Variants in DAPK1 observed in about 807,000 individuals in gnomAD.
DAPK1 encodes the protein death-associated protein kinase 1.
DAPK1 carries 56 observed loss-of-function variants against 144.9 expected under a neutral mutation model. That is an observed-to-expected ratio of 0.39 (90% confidence interval 0.31 to 0.48). The LOEUF (loss-of-function observed/expected upper bound fraction) is 0.48. Ranked by LOEUF, DAPK1 falls within the 20% of genes least tolerant of loss-of-function variation. The pLI, the probability that DAPK1 is intolerant of heterozygous loss-of-function variation, is 0.95. For missense variants in DAPK1, 1,454 were observed against 1,875.4 expected (o/e 0.78, Z 4.15); for synonymous variants, 690 against 749.0 (o/e 0.92, Z 1.29).
intron 3 of DAPK1, among the ~76,000 whole-genome samples, chr9:87,615,737 A>T (rs1829072997): frequency 6.6e-6 from 1 of 152,180 alleles, no homozygotes; most frequent in African/African-American, 2.4e-5. Flanking sequence ...CCCTGAAATG[A>T]TCTCATTTAA....
At chr9:87,502,564 A>G (rs1413117127) in intron 2 of DAPK1, among the ~76,000 whole-genome samples, 2 of 152,138 alleles carry the variant, frequency 1.3e-5, no homozygotes, top group South Asian at 4.1e-4. Flanking sequence ...CTAACCTGTG[A>G]GCCTCCTGGG....
chr9:87,602,398 G>T (rs540419557), intron 2 of DAPK1, among the ~76,000 whole-genome samples: 1 of 152,164 alleles, frequency 6.6e-6, no homozygotes, highest in Non-Finnish European at 1.5e-5. Context: ...AGGTTTTGCT[G>T]TAAACGAAGG....
intron 2 of DAPK1, among the ~76,000 whole-genome samples, chr9:87,592,033 T>G (rs1380789874): frequency 6.6e-6 from 1 of 152,188 alleles, no homozygotes; most frequent in African/African-American, 2.4e-5. Flanking sequence ...ACCATTTCCT[T>G]TAGGCCCCAT....
intron 2 of DAPK1, among the ~76,000 whole-genome samples, chr9:87,521,249 C>T (rs1173216640): frequency 6.6e-6 from 1 of 152,198 alleles, no homozygotes; most frequent in Non-Finnish European, 1.5e-5. Context: ...CATGAAATTC[C>T]TGAAAAATGA....
chr9:87,619,427 A>C (rs1177990690), intron 3 of DAPK1, among the ~76,000 whole-genome samples: 1 of 152,174 alleles, frequency 6.6e-6, no homozygotes, highest in Non-Finnish European at 1.5e-5. Flanking sequence ...GAATTCTGTC[A>C]GGGAGACTGG....
At chr9:87,523,709 G>A (rs1408269715) in intron 2 of DAPK1, among the ~76,000 whole-genome samples, 4 of 152,100 alleles carry the variant, frequency 2.6e-5, no homozygotes, top group Non-Finnish European at 2.9e-5. Context: ...TTCGTGTGAA[G>A]TGTGAAGTAT....
chr9:87,569,197 A>C (rs13284226), intron 2 of DAPK1, among the ~76,000 whole-genome samples: 42,110 of 152,002 alleles, frequency 0.28, 6,234 homozygotes, highest in East Asian at 0.49. Context: ...TGGTGAGGGC[A>C]TCTGGACTTT....
At chr9:87,643,788 CAT>C (rs1830177946) in intron 11 of DAPK1, among the ~76,000 whole-genome samples, 1 of 152,076 alleles carries the variant, frequency 6.6e-6, no homozygotes, top group Admixed American at 6.5e-5. Context: ...AATGCACACA[CAT>C]AGAGACACAC....
chr9:87,632,267 A>G (rs1829719910), intron 3 of DAPK1: 2 of 983,586 alleles, frequency 2.0e-6, no homozygotes, highest in East Asian at 1.1e-4. Flanking sequence ...ATCAGTATAT[A>G]TGTAGGAATG....
chr9:87,566,869 A>G (rs1395710781), intron 2 of DAPK1, among the ~76,000 whole-genome samples: 1 of 152,166 alleles, frequency 6.6e-6, no homozygotes, highest in Non-Finnish European at 1.5e-5. Context: ...TGAAACAGAA[A>G]TTTTATCACA....
intron 2 of DAPK1, among the ~76,000 whole-genome samples, chr9:87,511,987 C>T (rs1302946639): frequency 1.3e-5 from 2 of 152,172 alleles, no homozygotes; most frequent in Admixed American, 1.3e-4. Flanking sequence ...GCTGGGATTG[C>T]AGGTGTGAGC....
chr9:87,658,846 C>G (rs1407015273), intron 18 of DAPK1, among the ~76,000 whole-genome samples: 1 of 152,198 alleles, frequency 6.6e-6, no homozygotes, highest in Non-Finnish European at 1.5e-5. Context: ...TGGGACAGTC[C>G]TGGACTCACA....
At chr9:87,585,532 A>C (rs57053560) in intron 2 of DAPK1, among the ~76,000 whole-genome samples, 1,893 of 152,356 alleles carry the variant, frequency 0.012, 35 homozygotes, top group African/African-American at 0.043. Flanking sequence ...TCCAGAATAC[A>C]CAGTCTGGGT....
chr9:87,624,157 G>T (rs371152790), intron 3 of DAPK1, among the ~76,000 whole-genome samples: 1 of 152,200 alleles, frequency 6.6e-6, no homozygotes, highest in South Asian at 2.1e-4. Flanking sequence ...ACTCCTTGCA[G>T]CCACAGCTGG....
Position 87,606,535 on chromosome 9 carries a change from C to CCCCT in DAPK1, c.284+1370_284+1373dup, listed in dbSNP as rs1313065053. The stretch of plus-strand genomic sequence containing the variant: ...TCTCCTTCCTTCCTTCCTTCCTTCC[C>CCCCT]CCCTCCCTCCCTCTCTCCCTCTCTC... On this transcript the variant is annotated intron_variant, in intron 3 of 25. Coordinates refer to ENST00000408954, the MANE Select transcript of DAPK1 (RefSeq NM_004938.4). Among the ~76,000 whole-genome samples, 209 of 72,258 alleles carry CCCCT rather than the reference C, an allele frequency of 2.9e-3. 1 individual carries two copies. Among genetic ancestry groups the CCCCT allele is most frequent in the African/African-American group, 0.012 (198 of 16,572 alleles). 47.4% of individuals were successfully genotyped at this position (72,258 alleles called of 152,430 possible).
At chr9:87,604,408 A>C (rs1467344108) in intron 2 of DAPK1, among the ~76,000 whole-genome samples, 1 of 152,206 alleles carries the variant, frequency 6.6e-6, no homozygotes, top group Non-Finnish European at 1.5e-5. Flanking sequence ...ATGCTGGAGA[A>C]GTGACCAACA....
At chr9:87,676,989 C>A (rs894643217) in intron 19 of DAPK1, among the ~76,000 whole-genome samples, 3 of 152,190 alleles carry the variant, frequency 2.0e-5, no homozygotes, top group Non-Finnish European at 2.9e-5. Context: ...CTCTCCAAGC[C>A]TCAATTTCCT....
At chr9:87,596,145 C>T (rs1828307873) in intron 2 of DAPK1, among the ~76,000 whole-genome samples, 2 of 152,046 alleles carry the variant, frequency 1.3e-5, no homozygotes, top group Admixed American at 1.3e-4. Flanking sequence ...ACAGGGTTTG[C>T]CTTCATCCTG....
chr9:87,571,528 C>CACACACACACACACACACA (rs55676810), intron 2 of DAPK1, among the ~76,000 whole-genome samples: 24 of 135,620 alleles, frequency 1.8e-4, no homozygotes, highest in South Asian at 2.3e-4. Flanking sequence ...CACACACACA[C>CACACACACACACACACACA]CAGAAGCGAA....
Sources: allele counts gnomAD v4.1 joint callset (sites outside exome capture counted in the v4.1 genomes callset), GRCh38; gene constraint gnomAD v4.1.1; transcripts MANE v1.5; gene names NCBI Gene and HGNC (gene_info 2026-07-23, HGNC 2026-07-21).